Variants in SGCG observed in about 807,000 individuals in gnomAD.
The protein encoded by SGCG is gamma-sarcoglycan.
Under a neutral mutation model 29.3 loss-of-function variants are expected in SGCG, and 26 were observed. The ratio of observed to expected loss-of-function variants is 0.89; its 90% confidence interval spans 0.65 to 1.23. The LOEUF (loss-of-function observed/expected upper bound fraction) is 1.23. SGCG is among the 50% of genes most tolerant of loss of function. The pLI, the probability that SGCG is intolerant of heterozygous loss-of-function variation, is 0.00. For missense variants in SGCG, 353 were observed against 356.0 expected (o/e 0.99, Z 0.07); for synonymous variants, 145 against 129.7 (o/e 1.12, Z -0.80).
chr13:23,217,480 C>T (rs572749560), intron 2 of SGCG: 2 of 152,094 alleles, frequency 1.3e-5, no homozygotes, highest in Non-Finnish European at 2.9e-5. Flanking sequence ...TATAAGGCGC[C>T]ACGTCAATCT....
At chr13:23,268,971 T>TA (rs1880754287) in intron 4 of SGCG, 1 of 150,030 alleles carries the variant, frequency 6.7e-6, no homozygotes, top group Non-Finnish European at 1.5e-5. Flanking sequence ...CTGAAAAGAA[T>TA]ATGTTAGAAA....
At chr13:23,297,233 T>TG (rs34070638) in intron 6 of SGCG, among the ~76,000 whole-genome samples, 1 of 151,242 alleles carries the variant, frequency 6.6e-6, no homozygotes, top group Non-Finnish European at 1.5e-5. Flanking sequence ...ATCTTTTATT[T>TG]TTTTTTTTTT....
At chr13:23,235,407 T>C (rs1879271999) in intron 3 of SGCG, among the ~76,000 whole-genome samples, 1 of 152,082 alleles carries the variant, frequency 6.6e-6, no homozygotes, top group Admixed American at 6.6e-5. Flanking sequence ...ATTTGTTTCA[T>C]TGTATTATGT....
At chr13:23,248,700 A>T (rs1361222358) in intron 3 of SGCG, among the ~76,000 whole-genome samples, 4 of 131,450 alleles carry the variant, frequency 3.0e-5, no homozygotes, top group Non-Finnish European at 6.5e-5. Context: ...TCTCAAAAAG[A>T]AAAAAAAAAA....
intron 4 of SGCG, among the ~76,000 whole-genome samples, chr13:23,276,842 C>T (rs989523006): frequency 6.6e-6 from 1 of 152,242 alleles, no homozygotes; most frequent in Non-Finnish European, 1.5e-5. Context: ...CTCTCTCATG[C>T]TTGCATCCCA....
intron 5 of SGCG, among the ~76,000 whole-genome samples, chr13:23,292,339 G>T (rs1396660706): frequency 6.6e-6 from 1 of 152,104 alleles, no homozygotes; most frequent in African/African-American, 2.4e-5. Context: ...CGAAATCCTG[G>T]CCTCAAGTGA....
intron 5 of SGCG, among the ~76,000 whole-genome samples, chr13:23,286,025 G>A (rs754258418): frequency 6.6e-6 from 1 of 152,238 alleles, no homozygotes; most frequent in South Asian, 2.1e-4. Context: ...AATCTCGCTG[G>A]GAGCTGCAGA....
chr13:23,264,102 A>G (rs4769248), intron 4 of SGCG, among the ~76,000 whole-genome samples: 51,632 of 151,948 alleles, frequency 0.34, 9,442 homozygotes, highest in Non-Finnish European at 0.4. Context: ...GCAAGATAAA[A>G]AAACAAAGGG....
At chr13:23,320,597 C>CGT (rs1882993704) in intron 6 of SGCG, 40 bp from the exon 7 acceptor site, 12 of 1,322,878 alleles carry the variant, frequency 9.1e-6, no homozygotes, top group Non-Finnish European at 1.0e-6. Flanking sequence ...ATTTTTAATA[C>CGT]TTTTTTTTTT....
chr13:23,275,133 A>ATATATG (rs1881021841), intron 4 of SGCG, among the ~76,000 whole-genome samples: 1 of 147,802 alleles, frequency 6.8e-6, no homozygotes, highest in Non-Finnish European at 1.5e-5. Flanking sequence ...ATATATATAT[A>ATATATG]TATATATATA....
chr13:23,213,831 G>A (rs975340206), intron 2 of SGCG, among the ~76,000 whole-genome samples: 2 of 152,110 alleles, frequency 1.3e-5, no homozygotes, highest in African/African-American at 4.8e-5. Context: ...TAAGGCAGCT[G>A]CATGCAGCCA....
At chr13:23,286,408 G>C (rs1036647762) in intron 5 of SGCG, among the ~76,000 whole-genome samples, 1 of 152,186 alleles carries the variant, frequency 6.6e-6, no homozygotes, top group African/African-American at 2.4e-5. Flanking sequence ...AATCAGCCAT[G>C]ATGATGACAT....
At chr13:23,240,969 G>A (rs1469277067) in intron 3 of SGCG, among the ~76,000 whole-genome samples, 1 of 151,852 alleles carries the variant, frequency 6.6e-6, no homozygotes, top group Non-Finnish European at 1.5e-5. Flanking sequence ...CTAACACGGT[G>A]AAACCCTGTC....
chr13:23,193,939 G>A (rs968139163), intron 1 of SGCG, among the ~76,000 whole-genome samples: 12 of 152,154 alleles, frequency 7.9e-5, no homozygotes, highest in Admixed American at 6.5e-4. Context: ...GTCTAGAAAG[G>A]TAGAGGGTAA....
chr13:23,225,313 C>A (rs1259336923), intron 2 of SGCG, among the ~76,000 whole-genome samples: 1 of 152,162 alleles, frequency 6.6e-6, no homozygotes, highest in Non-Finnish European at 1.5e-5. Context: ...TCACTTTCAC[C>A]AGCTGATTAA....
At chr13:23,305,847 C>T (rs930044737) in intron 6 of SGCG, among the ~76,000 whole-genome samples, 2 of 152,132 alleles carry the variant, frequency 1.3e-5, no homozygotes, top group Admixed American at 1.3e-4. Context: ...CTACTTTGGC[C>T]ATGAAATATC....
At chr13:23,209,299 A>G (rs868085261) in intron 2 of SGCG, among the ~76,000 whole-genome samples, 56 of 152,190 alleles carry the variant, frequency 3.7e-4, no homozygotes, top group African/African-American at 8.0e-4. Context: ...AAATTAATTC[A>G]TTTTGGAAAC....
At chr13:23,290,193 A>G (rs1881646177) in intron 5 of SGCG, among the ~76,000 whole-genome samples, 1 of 152,194 alleles carries the variant, frequency 6.6e-6, no homozygotes, top group Admixed American at 6.5e-5. Context: ...ATCAACAGTT[A>G]ATATTTTAGA....
At chr13:23,290,159 GA>G (rs1203434976) in intron 5 of SGCG, among the ~76,000 whole-genome samples, 1 of 152,206 alleles carries the variant, frequency 6.6e-6, no homozygotes, top group Non-Finnish European at 1.5e-5. Context: ...AGGAGGAGGA[GA>G]ATTCATTTGC....
Sources: allele counts gnomAD v4.1 joint callset (sites outside exome capture counted in the v4.1 genomes callset), GRCh38; gene constraint gnomAD v4.1.1; transcripts MANE v1.5; gene names NCBI Gene and HGNC (gene_info 2026-07-23, HGNC 2026-07-21).